Variants in TAF12 observed in about 807,000 individuals in gnomAD.
TAF12 encodes transcription initiation factor TFIID subunit 12.
In TAF12, 3 loss-of-function variants were observed where a neutral mutation model predicts 20.8. That is an observed-to-expected ratio of 0.14 (90% CI 0.07 to 0.37). The LOEUF (loss-of-function observed/expected upper bound fraction) is 0.37. Among genes scored for constraint, TAF12 ranks in the 10% least tolerant of loss-of-function variants. The probability of loss-of-function intolerance (pLI) is 1.00; values close to 1 mark genes in which losing one functional copy is unlikely to be tolerated. For missense variants in TAF12, 131 were observed against 197.9 expected, an observed-to-expected ratio of 0.66 and a Z score of 2.03; for synonymous variants, 69 against 70.2, an observed-to-expected ratio of 0.98 and a Z score of 0.09.
intron 1 of TAF12, among the ~76,000 whole-genome samples, chr1:28,623,204 C>T (rs1260644582): frequency 2.0e-5 from 3 of 152,012 alleles, no homozygotes; most frequent in East Asian, 3.9e-4. Flanking sequence ...GAGTGAGACA[C>T]TATCTAAAAA....
intron 1 of TAF12, chr1:28,624,130 G>C (rs1311023623): frequency 2.8e-6 from 1 of 353,020 alleles, no homozygotes; most frequent in African/African-American, 2.2e-5. Flanking sequence ...AAGCAAACTG[G>C]ATGTGGAGAA....
intron 2 of TAF12, among the ~76,000 whole-genome samples, chr1:28,618,908 C>A: frequency 6.6e-6 from 1 of 152,160 alleles, no homozygotes; most frequent in South Asian, 2.1e-4. Context: ...GAAAGCCAGG[C>A]ACAGTGATCT....
rs576167612 is a variant in TAF12, at chr1:28,626,088, C to A, written c.-84-3923G>T. ...CTCTGCCTTGCGGGTTCAAGCAATT[C>A]CTGCCTCAGCCTCCTGGGTAGCTGG... is the stretch of plus-strand genomic sequence containing the variant. On this transcript the variant is annotated intron_variant, in intron 1 of 5. Transcript: ENST00000373824. Among the ~76,000 whole-genome samples, 3 of 151,788 alleles carry A rather than the reference C, an allele frequency of 2.0e-5. No homozygotes were observed. In the South Asian group the frequency reaches 6.2e-4, roughly 32 times the overall value.
At chr1:28,628,109 A>G (rs1325443105) in intron 1 of TAF12, among the ~76,000 whole-genome samples, 1 of 151,800 alleles carries the variant, frequency 6.6e-6, no homozygotes, top group African/African-American at 2.4e-5. Flanking sequence ...AAAACACTGT[A>G]CTACTAGATA....
chr1:28,605,334 C>T, intron 5 of TAF12, 38 bp downstream of exon 5: 1 of 1,600,592 alleles, frequency 6.2e-7, no homozygotes, highest in Non-Finnish European at 8.6e-7. Context: ...CTCAAGGAAT[C>T]AGCCCTGGCT....
At chr1:28,641,508 T>C (rs572587407) in intron 1 of TAF12, among the ~76,000 whole-genome samples, 1 of 151,592 alleles carries the variant, frequency 6.6e-6, no homozygotes, top group East Asian at 1.9e-4. Context: ...AAACAAAAAC[T>C]GCAAGGGGGG....
At chr1:28,639,100 A>C (rs1275688621) in intron 1 of TAF12, among the ~76,000 whole-genome samples, 1 of 151,480 alleles carries the variant, frequency 6.6e-6, no homozygotes, top group Non-Finnish European at 1.5e-5. Context: ...TTTAAGACAG[A>C]ATCTTGCTCT....
In TAF12 at chr1:28,609,133, A is replaced by G. The variant is rs183490057; in HGVS notation, c.362-3673T>C. Among the ~76,000 whole-genome samples, 33 of 146,728 alleles carry G rather than the reference A, an allele frequency of 2.2e-4. No homozygotes were observed. In the East Asian group the frequency reaches 3.2e-3, roughly 14 times the overall value. On this transcript the variant is annotated intron_variant, in intron 4 of 5. Coordinates refer to ENST00000373824, the MANE Select transcript of TAF12 (RefSeq NM_005644.4). The stretch of plus-strand genomic sequence containing the variant: ...CTCTTGTTGCCCAGGCTGGAGTGCA[A>G]TGGTGTGATCTCGGCTCACTGCAAC...
rs144276665 is a variant in TAF12 at position 28,605,389 on chromosome 1, T to A, written c.433A>T (p.Thr145Ser). The A allele has an allele frequency of 4.3e-3, 6,967 of 1,614,090 alleles. 18 individuals carry two copies. Among genetic ancestry groups the A allele is most frequent in the Non-Finnish European group, 5.5e-3 (6,521 of 1,180,018 alleles). The change falls in exon 5 of 6, where the codon ACA becomes TCA. Residue 145 changes from threonine to serine, a missense_variant. Physicochemically the swap from Thr to Ser is moderately conservative, Grantham distance 58. Around this residue, in one of 3 missense-constraint regions of TAF12, gnomAD observed 60 missense variants for 90.2 expected, o/e 0.66. Coordinates refer to ENST00000373824, the MANE Select transcript of TAF12 (RefSeq NM_005644.4). The part of the protein sequence containing the change: ...EIRPYKKACT[T>S]EAHKQRMALI... Reference sequence around the variant, plus strand: ...TTCCTCACCTGTTTGTGAGCTTCTGTGGTGCAAGCTTTTTTGTAGGGTCGG... The same window carrying A: ...TTCCTCACCTGTTTGTGAGCTTCTGAGGTGCAAGCTTTTTTGTAGGGTCGG...
At chr1:28,609,238 G>A (rs1373657072) in intron 4 of TAF12, among the ~76,000 whole-genome samples, 4 of 150,876 alleles carry the variant, frequency 2.7e-5, no homozygotes, top group East Asian at 2.0e-4. Context: ...CACCACGCCC[G>A]GCTAATTTTG....
Position 28,606,232 on chromosome 1 carries a change from C to T in TAF12, c.362-772G>A, listed in dbSNP as rs140817205. Among the ~76,000 whole-genome samples, 559 of 152,072 alleles carry T rather than the reference C, an allele frequency of 3.7e-3. 7 individuals carry two copies. The highest frequency in any genetic ancestry group is 0.013 in the African/African-American group (533 of 41,470). On this transcript the variant is annotated intron_variant, in intron 4 of 5. Transcript: ENST00000373824. The stretch of plus-strand genomic sequence containing the variant: ...CAGGCTGGTCTTGAACTCCTGACCT[C>T]GTGATCCACCCACCTCGAACTCCCA...
At chr1:28,648,108 C>G, upstream of TAF12, 1 of 963,686 alleles carries the variant, frequency 1.0e-6, no homozygotes, top group Non-Finnish European at 1.2e-6. Flanking sequence ...TGCACGCCTG[C>G]CTGGGCTGCT....
At chr1:28,610,977 A>C (rs1016346782) in intron 4 of TAF12, among the ~76,000 whole-genome samples, 124 of 92,638 alleles carry the variant, frequency 1.3e-3, no homozygotes, top group African/African-American at 3.8e-3. Flanking sequence ...AAAAAAAAAA[A>C]AAAAAACACA....
chr1:28,631,981 G>T (rs1402188157), intron 1 of TAF12, among the ~76,000 whole-genome samples: 1 of 152,052 alleles, frequency 6.6e-6, no homozygotes, highest in East Asian at 1.9e-4. Flanking sequence ...CCACTCCTAG[G>T]TACTTACTGT....
intron 1 of TAF12, chr1:28,642,560 C>T (rs1668073107): frequency 1.1e-6 from 1 of 876,344 alleles, no homozygotes; most frequent in African/African-American, 1.8e-5. Flanking sequence ...GAACCTAAGT[C>T]TTCGCTGCCC....
chr1:28,620,181 T>A (rs931256735), intron 2 of TAF12, among the ~76,000 whole-genome samples: 2 of 151,648 alleles, frequency 1.3e-5, no homozygotes, highest in Non-Finnish European at 2.9e-5. Flanking sequence ...TCACCCAGGC[T>A]GGAGTGCAGT....
At chr1:28,627,391 G>GAA (rs771889346) in intron 1 of TAF12, among the ~76,000 whole-genome samples, 50 of 63,642 alleles carry the variant, frequency 7.9e-4, no homozygotes, top group African/African-American at 1.3e-3. Flanking sequence ...CCGTCTCAAA[G>GAA]AAAAAAAAAA....
At chr1:28,618,827 AG>A (rs1465321791) in intron 2 of TAF12, among the ~76,000 whole-genome samples, 2 of 152,258 alleles carry the variant, frequency 1.3e-5, no homozygotes, top group East Asian at 3.9e-4. Context: ...ATAGGCTAAA[AG>A]CTCCCTGAGG....
At chr1:28,618,564 C>T (rs555981311) in intron 2 of TAF12, among the ~76,000 whole-genome samples, 1 of 134,260 alleles carries the variant, frequency 7.4e-6, no homozygotes, top group Non-Finnish European at 1.5e-5. Flanking sequence ...TTTTGAGAGA[C>T]AGGATCTCGC....
Sources: gnomAD v4.1 joint callset for allele counts (sites outside exome capture counted in the v4.1 genomes callset) on GRCh38, gnomAD v4.1.1 for gene constraint, gnomAD v4.1.1 regional missense constraint, MANE v1.5 for transcripts, NCBI Gene and HGNC (gene_info 2026-07-23, HGNC 2026-07-21) for gene names.